Variants in CACNA1C observed in about 807,000 individuals in gnomAD.
CACNA1C encodes the protein calcium voltage-gated channel subunit alpha1 C.
Under a neutral mutation model 229.0 loss-of-function variants are expected in CACNA1C, and 30 were observed. The observed-to-expected ratio is 0.13, with a 90% confidence interval of 0.10 to 0.18. The LOEUF (loss-of-function observed/expected upper bound fraction) is 0.18. CACNA1C is among the 10% of genes least tolerant of loss of function. The pLI is 1.00. For synonymous variants in CACNA1C, 1,114 were observed against 1,132.5 expected (o/e 0.98, Z 0.33); for missense variants, 1,658 against 2,845.0 (o/e 0.58, Z 9.49).
At chr12:2,406,027 G>A (rs923564440) in intron 3 of CACNA1C, among the ~76,000 whole-genome samples, 2 of 152,160 alleles carry the variant, frequency 1.3e-5, no homozygotes, top group African/African-American at 4.8e-5. Context: ...TATTTGCACT[G>A]GATATATAAT....
intron 1 of CACNA1C, among the ~76,000 whole-genome samples, chr12:2,022,346 T>C (rs2046602838): frequency 6.6e-6 from 1 of 152,240 alleles, no homozygotes; most frequent in Non-Finnish European, 1.5e-5. Context: ...TAAATGTATG[T>C]ATAGCTCACA....
rs1034337606 is a variant in CACNA1C at position 2,676,992 on chromosome 12, A to G, written c.4829-102A>G. 5 of 934,152 alleles carry G rather than the reference A, an allele frequency of 5.4e-6. No homozygotes were observed. The South Asian group carries it at 6.1e-5, about 11-fold the overall frequency. 57.9% of individuals were successfully genotyped at this position (934,152 alleles called of 1,614,324 possible). On this transcript the variant is annotated intron_variant, in intron 39 of 46. Transcript: ENST00000399655. ...AATGTATTACCTCTCCAAAAATATT[A>G]AAGTTTTAAAAAGTTTTGGATGCTG...
rs548596914 is a variant in CACNA1C at position 2,496,526 on chromosome 12, G to C, written c.1113+3140G>C. ...CCTGAGATAGAAGGGATCAGGGAAG[G>C]CACCTAGCAGATGGCAGCACTTGCT... On this transcript the variant is annotated intron_variant, in intron 7 of 46. Transcript: ENST00000399655. Among the ~76,000 whole-genome samples, 12 of 152,346 alleles carry C rather than the reference G, an allele frequency of 7.9e-5. No individual in the cohort carries two copies. The South Asian group carries it at 2.5e-3, about 32-fold the overall frequency.
intron 5 of CACNA1C, among the ~76,000 whole-genome samples, chr12:2,465,849 C>T (rs1466177703): frequency 6.6e-6 from 1 of 152,162 alleles, no homozygotes; most frequent in Non-Finnish European, 1.5e-5. Flanking sequence ...CTCTCCCACC[C>T]TGCATGACCT....
chr12:2,222,359 C>A (rs1423621022), intron 3 of CACNA1C: 1 of 152,188 alleles, frequency 6.6e-6, no homozygotes, highest in Non-Finnish European at 1.5e-5. Context: ...CCAGCTCAGC[C>A]ATTCACTGGC....
intron 1 of CACNA1C, among the ~76,000 whole-genome samples, chr12:2,088,520 T>C (rs1171396882): frequency 6.6e-6 from 1 of 152,190 alleles, no homozygotes; most frequent in African/African-American, 2.4e-5. Flanking sequence ...GCCTACCTTA[T>C]GGGGGTGCTG....
chr12:2,586,002 T>A, intron 18 of CACNA1C, 98 bp downstream of exon 18: 1 of 647,170 alleles, frequency 1.5e-6, no homozygotes, highest in Non-Finnish European at 2.7e-6. Flanking sequence ...GGACCATGGT[T>A]CCAGTGTCCC....
rs1236707766 is a variant in CACNA1C at position 2,137,692 on chromosome 12, G to GT, written c.477+17273dup. On this transcript the variant is annotated intron_variant, in intron 3 of 46. Coordinates refer to ENST00000399655, the MANE Select transcript of CACNA1C (RefSeq NM_000719.7). Reference sequence around the variant, plus strand: ...TATATTTGTCTCTAAAATACTTACTGTTTTTTTTTTTCTGGCACATTCCTC... The same window carrying GT: ...TATATTTGTCTCTAAAATACTTACTGTTTTTTTTTTTTCTGGCACATTCCTC... Among the ~76,000 whole-genome samples, 286 of 145,924 alleles carry GT rather than the reference G, an allele frequency of 2.0e-3. 3 individuals carry two copies. The highest frequency in any genetic ancestry group is 3.8e-3 in the African/African-American group (153 of 40,378).
chr12:2,255,574 C>T (rs1293136162), intron 3 of CACNA1C, among the ~76,000 whole-genome samples: 1 of 152,174 alleles, frequency 6.6e-6, no homozygotes, highest in Non-Finnish European at 1.5e-5. Context: ...GCTGAGGCAG[C>T]CAGAAGGGGC....
At chr12:2,626,729 AAAAG>A (rs1405696044) in intron 29 of CACNA1C, among the ~76,000 whole-genome samples, 1 of 152,088 alleles carries the variant, frequency 6.6e-6, no homozygotes, top group African/African-American at 2.4e-5. Flanking sequence ...CTGAGGCAGA[AAAAG>A]AGCCTCCTGA....
Position 2,229,480 on chromosome 12 carries a change from A to G in CACNA1C, c.477+109050A>G, listed in dbSNP as rs147876280. Among the ~76,000 whole-genome samples, 488 of 152,298 alleles carry G rather than the reference A, an allele frequency of 3.2e-3. 2 individuals are homozygous for G. The highest frequency in any genetic ancestry group is 6.8e-3 in the Middle Eastern group (2 of 294). ...TTAGCAATAAATAAAACAGGCCTGA[A>G]TCCCTGCCCACGGGGAGCTTACAAT... On this transcript the variant is annotated intron_variant, in intron 3 of 46. Coordinates refer to ENST00000399655, the MANE Select transcript of CACNA1C (RefSeq NM_000719.7).
intron 3 of CACNA1C, among the ~76,000 whole-genome samples, chr12:2,269,272 C>G (rs2083744649): frequency 6.6e-6 from 1 of 152,166 alleles, no homozygotes; most frequent in Non-Finnish European, 1.5e-5. Flanking sequence ...GATTTATAGA[C>G]CGGCTGAAAG....
rs775959651 is a variant in CACNA1C at position 2,241,700 on chromosome 12, G to A, written c.477+121270G>A. ...CAGTCAGCTCTGCCTATTGTCCTCC[G>A]TGGCTCAGAAGCAGCTATCCTTAAT... On this transcript the variant is annotated intron_variant, in intron 3 of 46. Transcript: ENST00000399655. Among the ~76,000 whole-genome samples, 90 of 152,152 alleles carry A rather than the reference G, an allele frequency of 5.9e-4. 1 individual carries two copies. Among genetic ancestry groups the A allele is most frequent in the Admixed American group, 3.9e-4 (6 of 15,286 alleles).
At position 2,181,611 on chromosome 12, in the gene CACNA1C, G is replaced by A. The variant is rs75909479; in HGVS notation, c.477+61181G>A. Among the ~76,000 whole-genome samples, 376 of 152,258 alleles carry A rather than the reference G, an allele frequency of 2.5e-3. 3 individuals are homozygous for A. The highest frequency in any genetic ancestry group is 8.6e-3 in the African/African-American group (356 of 41,538). ...TGCTACAAATATGACACAATTCCAT[G>A]CTGCACCCACAGAATAGTGAGTAGT... On this transcript the variant is annotated intron_variant, in intron 3 of 46. Transcript: ENST00000399655. The surrounding 1 kb of genome is among the most constrained non-coding windows in gnomAD (Gnocchi z 4.0).
chr12:2,668,787 G>T, intron 37 of CACNA1C, 146 bp from the exon 38 acceptor site: 1 of 643,358 alleles, frequency 1.6e-6, no homozygotes. Flanking sequence ...CTTCCATCAG[G>T]CCCCACCTCC....
chr12:2,582,727 A>C, intron 14 of CACNA1C, 95 bp from the exon 15 acceptor site: 1 of 1,392,704 alleles, frequency 7.2e-7, no homozygotes, highest in Non-Finnish European at 9.9e-7. Context: ...GAAATTTTGG[A>C]CAATTTTGTT....
Position 2,147,520 on chromosome 12 carries a change from C to G in CACNA1C, c.477+27090C>G, listed in dbSNP as rs999504543. On this transcript the variant is annotated intron_variant, in intron 3 of 46. Coordinates refer to ENST00000399655, the MANE Select transcript of CACNA1C (RefSeq NM_000719.7). ...AAATACTTCCAGGGACCTGTTGCCT[C>G]TTTGTGACAAATGTTAGATAATTTC... 2.6e-5 allele frequency among the ~76,000 whole-genome samples: 4 copies of G among 151,216 alleles called. 1 individual carries two copies. Among genetic ancestry groups the G allele is most frequent in the Admixed American group, 6.7e-5 (1 of 14,984 alleles).
At chr12:2,104,605 A>G (rs1455811455) in intron 1 of CACNA1C, among the ~76,000 whole-genome samples, 2 of 152,136 alleles carry the variant, frequency 1.3e-5, no homozygotes, top group African/African-American at 4.8e-5. Flanking sequence ...TTCCAATACT[A>G]TGTTGAATAG....
chr12:2,027,123 G>A (rs150201114), intron 1 of CACNA1C, among the ~76,000 whole-genome samples: 7 of 152,310 alleles, frequency 4.6e-5, no homozygotes, highest in Non-Finnish European at 1.0e-4. Flanking sequence ...GGGGAGCAGG[G>A]GTGTAAAGAA....
Sources: allele counts gnomAD v4.1 joint callset (sites outside exome capture counted in the v4.1 genomes callset), GRCh38; gene constraint gnomAD v4.1.1; non-coding constraint Gnocchi (gnomAD v3.1); transcripts MANE v1.5; gene names NCBI Gene and HGNC (gene_info 2026-07-23, HGNC 2026-07-21).